VAMP7: variants seen among roughly 807,000 people sequenced by gnomAD.
The protein encoded by VAMP7 is vesicle associated membrane protein 7, also known as vesicle-associated membrane protein 7.
Under a neutral mutation model 29.6 loss-of-function variants are expected in VAMP7, and 14 were observed. That is an observed-to-expected ratio of 0.47 (90% CI 0.31 to 0.74). The LOEUF is 0.74. Ranked by LOEUF, VAMP7 falls within the 30% of genes least tolerant of loss-of-function variation. VAMP7 has a pLI of 0.05. For synonymous variants in VAMP7, 95 were observed against 88.1 expected (o/e 1.08, Z -0.44); for missense variants, 223 against 262.4 (o/e 0.85, Z 1.04).
At chrX:155,921,867 T>C (rs2066400574) in intron 6 of VAMP7, among the ~76,000 whole-genome samples, 1 of 152,102 alleles carries the variant, frequency 6.6e-6, no homozygotes, top group Non-Finnish European at 1.5e-5. Flanking sequence ...TGTGTATCTT[T>C]GTGACTGCAT....
chrX:155,938,510 T>C (rs1286242377), intron 6 of VAMP7, among the ~76,000 whole-genome samples: 1 of 152,216 alleles, frequency 6.6e-6, no homozygotes, highest in Non-Finnish European at 1.5e-5. Context: ...TGTTGTGTTT[T>C]CACAAAGTAA....
intron 5 of VAMP7, 79 bp from the exon 6 acceptor site, chrX:155,919,734 T>C: frequency 7.9e-7 from 1 of 1,266,532 alleles, no homozygotes; most frequent in Non-Finnish European, 1.1e-6. Flanking sequence ...ATTCATTAAG[T>C]TATATTACTT....
intron 5 of VAMP7, among the ~76,000 whole-genome samples, chrX:155,914,815 G>A (rs188090575): frequency 2.2e-4 from 34 of 152,176 alleles, no homozygotes; most frequent in Admixed American, 1.2e-3. Context: ...ATATTGGCCT[G>A]AAATTTTCCT....
intron 6 of VAMP7, among the ~76,000 whole-genome samples, chrX:155,932,158 T>A (rs771008231): frequency 1.6e-4 from 24 of 152,282 alleles, no homozygotes; most frequent in Admixed American, 1.4e-3. Context: ...TACAGTTTTG[T>A]TCTTTTGGCT....
rs2066759879 is a variant in VAMP7, at chrX:155,942,419, G to T, written c.*468G>T. 1 of 409,704 alleles carries T rather than the reference G, an allele frequency of 2.4e-6. No homozygotes were observed. The highest frequency in any genetic ancestry group is 2.0e-5 in the African/African-American group (1 of 50,060). 25.4% of individuals were successfully genotyped at this position (409,704 alleles called of 1,614,324 possible). On this transcript the variant is annotated 3_prime_UTR_variant, in exon 8 of 8. Transcript: ENST00000286448. ...AAAACAATATAAATGGATAATAGTTGTTATTTGGGGAATTGTAATGATGTT... is the reference window on the plus strand; with the variant it reads ...AAAACAATATAAATGGATAATAGTTTTTATTTGGGGAATTGTAATGATGTT...
At chrX:155,885,976 G>A (rs2065860629) in intron 1 of VAMP7, among the ~76,000 whole-genome samples, 1 of 152,176 alleles carries the variant, frequency 6.6e-6, no homozygotes, top group Admixed American at 6.5e-5. Flanking sequence ...TTCTTAGCAG[G>A]AATAAAGTAG....
intron 6 of VAMP7, among the ~76,000 whole-genome samples, chrX:155,924,158 T>A (rs5983828): frequency 0.62 from 93,756 of 151,864 alleles, 29,121 homozygotes; most frequent in African/African-American, 0.68. Context: ...TTTAAATTGT[T>A]TTTTAACCAT....
chrX:155,919,775 G>A lies in VAMP7; in HGVS notation c.434-38G>A, dbSNP rs1349786822. The A allele has an allele frequency of 2.0e-5, 31 of 1,560,916 alleles. No individual in the cohort carries two copies. In the Admixed American group the frequency reaches 5.3e-4, roughly 27 times the overall value. On this transcript the variant is annotated intron_variant, in intron 5 of 7. Coordinates refer to ENST00000286448, the MANE Select transcript of VAMP7 (RefSeq NM_005638.6). Reference sequence around the variant, plus strand: ...AAAAAAGTTTATTTTATTCTACAATGGAAAACTTGACCTTTTCTACTTTTC... The same window carrying A: ...AAAAAAGTTTATTTTATTCTACAATAGAAAACTTGACCTTTTCTACTTTTC...
intron 4 of VAMP7, among the ~76,000 whole-genome samples, chrX:155,899,556 A>ACG (rs1398346821): frequency 7.9e-5 from 12 of 151,672 alleles, no homozygotes; most frequent in Non-Finnish European, 1.5e-4. Flanking sequence ...ACACACACAC[A>ACG]CGCACACACA....
intron 2 of VAMP7, among the ~76,000 whole-genome samples, chrX:155,890,913 C>G (rs1489714949): frequency 1.3e-5 from 2 of 152,108 alleles, no homozygotes; most frequent in East Asian, 3.9e-4. Context: ...CCCCAAGATA[C>G]AGTATTAATT....
chrX:155,894,671 A>G (rs189011935), intron 2 of VAMP7, among the ~76,000 whole-genome samples: 1 of 152,052 alleles, frequency 6.6e-6, no homozygotes, highest in Non-Finnish European at 1.5e-5. Flanking sequence ...GCTGGAGTGC[A>G]GTGGCGCAAT....
At chrX:155,923,239 C>A (rs1345211316) in intron 6 of VAMP7, among the ~76,000 whole-genome samples, 2 of 151,794 alleles carry the variant, frequency 1.3e-5, no homozygotes, top group African/African-American at 4.8e-5. Flanking sequence ...TTTCTGTTTA[C>A]CCATGCAGCT....
At chrX:155,939,267 A>G (rs2066708295) in intron 6 of VAMP7, among the ~76,000 whole-genome samples, 1 of 152,190 alleles carries the variant, frequency 6.6e-6, no homozygotes, top group Admixed American at 6.5e-5. Context: ...TGGCCCTCAC[A>G]AAAGTAAATA....
intron 1 of VAMP7, among the ~76,000 whole-genome samples, chrX:155,883,779 C>G (rs1474701225): frequency 6.8e-6 from 1 of 146,786 alleles, no homozygotes; most frequent in African/African-American, 2.5e-5. Context: ...GGCGCGATCT[C>G]GGCTCACTGC....
chrX:155,915,047 A>T (rs1174728693), intron 5 of VAMP7, among the ~76,000 whole-genome samples: 1 of 152,006 alleles, frequency 6.6e-6, no homozygotes, highest in African/African-American at 2.4e-5. Flanking sequence ...AGAACTTGTT[A>T]TTGTTGTATT....
intron 5 of VAMP7, among the ~76,000 whole-genome samples, chrX:155,919,293 C>G (rs1229212540): frequency 6.6e-6 from 1 of 152,044 alleles, no homozygotes; most frequent in Non-Finnish European, 1.5e-5. Flanking sequence ...CTGGCTTGTT[C>G]AGGTTTTCTA....
chrX:155,902,991 T>C (rs2066089337), intron 5 of VAMP7, among the ~76,000 whole-genome samples: 2 of 151,990 alleles, frequency 1.3e-5, no homozygotes, highest in South Asian at 2.1e-4. Flanking sequence ...TGTGAATCCA[T>C]CTGGTCCTGG....
At chrX:155,900,053 G>C (rs2066040536) in intron 4 of VAMP7, among the ~76,000 whole-genome samples, 1 of 151,914 alleles carries the variant, frequency 6.6e-6, no homozygotes, top group Admixed American at 6.6e-5. Context: ...GCAGATACAA[G>C]AACAGATTCT....
At chrX:155,896,073 G>A (rs1211135182) in intron 3 of VAMP7, among the ~76,000 whole-genome samples, 1 of 152,158 alleles carries the variant, frequency 6.6e-6, no homozygotes, top group Non-Finnish European at 1.5e-5. Flanking sequence ...GTGCCAAAAA[G>A]GTTGGGGACT....
Sources: gnomAD v4.1 joint callset for allele counts (sites outside exome capture counted in the v4.1 genomes callset) on GRCh38, gnomAD v4.1.1 for gene constraint, MANE v1.5 for transcripts, NCBI Gene and HGNC (gene_info 2026-07-23, HGNC 2026-07-21) for gene names.